Variants in CHN2 observed in about 807,000 individuals in gnomAD.
CHN2 encodes the protein chimerin 2.
CHN2 carries 35 observed loss-of-function variants against 56.3 expected under a neutral mutation model. The ratio of observed to expected loss-of-function variants is 0.62; its 90% CI spans 0.47 to 0.82. The LOEUF is 0.82. Among genes scored for constraint, CHN2 ranks in the 40% least tolerant of loss-of-function variants. The pLI, the probability that CHN2 is intolerant of heterozygous loss-of-function variation, is 0.00. For synonymous variants in CHN2, 210 were observed against 212.8 expected (o/e 0.99, Z 0.12); for missense variants, 491 against 580.5 (o/e 0.85, Z 1.58).
intron 1 of CHN2, among the ~76,000 whole-genome samples, chr7:29,352,828 T>C (rs968561566): frequency 1.3e-5 from 2 of 152,228 alleles, no homozygotes; most frequent in African/African-American, 4.8e-5. Flanking sequence ...GAATTTGTTT[T>C]GTAAACTCAT....
intron 3 of CHN2, among the ~76,000 whole-genome samples, chr7:29,375,427 C>G (rs1799999268): frequency 6.6e-6 from 1 of 151,996 alleles, no homozygotes. Context: ...AACTCCTGAC[C>G]TCAAGTGATC....
intron 1 of CHN2, among the ~76,000 whole-genome samples, chr7:29,256,173 C>T (rs1044779224): frequency 2.0e-5 from 3 of 152,158 alleles, no homozygotes; most frequent in African/African-American, 7.2e-5. Flanking sequence ...GAGAGGCTGC[C>T]ATGTCATAAA....
chr7:29,504,076 C>G (rs1350121147), intron 9 of CHN2, among the ~76,000 whole-genome samples: 2 of 152,132 alleles, frequency 1.3e-5, no homozygotes, highest in African/African-American at 4.8e-5. Context: ...AAAAGTATAA[C>G]AAGTAACCGT....
intron 1 of CHN2, among the ~76,000 whole-genome samples, chr7:29,348,870 A>T (rs1797671221): frequency 6.6e-6 from 1 of 152,212 alleles, no homozygotes; most frequent in South Asian, 2.1e-4. Flanking sequence ...AGAAAATAGA[A>T]ATCACAAGTA....
chr7:29,336,387 A>G (rs908989300), intron 1 of CHN2, among the ~76,000 whole-genome samples: 5 of 152,150 alleles, frequency 3.3e-5, no homozygotes, highest in Non-Finnish European at 7.4e-5. Context: ...AAGGGTGAGG[A>G]TCACTTGAGC....
chr7:29,479,845 G>T (rs1231734879), intron 6 of CHN2: 5 of 1,323,276 alleles, frequency 3.8e-6, no homozygotes, highest in African/African-American at 3.0e-5. Flanking sequence ...GCTTCTGGGG[G>T]TTGCTGTGCA....
At chr7:29,459,383 T>G (rs1303557122) in intron 6 of CHN2, among the ~76,000 whole-genome samples, 2 of 152,204 alleles carry the variant, frequency 1.3e-5, no homozygotes, top group African/African-American at 4.8e-5. Context: ...TTCCTTTTAC[T>G]GTTGAAAGGT....
intron 6 of CHN2, 173 bp downstream of exon 6, chr7:29,401,001 T>C (rs1327278206): frequency 1.5e-6 from 1 of 650,312 alleles, no homozygotes; most frequent in East Asian, 2.8e-5. Flanking sequence ...AGGCCGGGCG[T>C]GGTGGCTCAT....
At chr7:29,182,409 C>T (rs1279425235) in intron 2 of CHN2, among the ~76,000 whole-genome samples, 1 of 152,116 alleles carries the variant, frequency 6.6e-6, no homozygotes, top group African/African-American at 2.4e-5. Context: ...TAGAGTGTAG[C>T]AGAATAGGGC....
intron 1 of CHN2, among the ~76,000 whole-genome samples, chr7:29,271,847 G>A (rs1790671500): frequency 1.3e-5 from 2 of 152,110 alleles, no homozygotes; most frequent in South Asian, 4.1e-4. Context: ...GCTCCTGGAG[G>A]GCAGCGGGGG....
intron 1 of CHN2, among the ~76,000 whole-genome samples, chr7:29,263,444 C>T (rs1057284773): frequency 1.3e-5 from 2 of 152,066 alleles, no homozygotes; most frequent in South Asian, 2.1e-4. Flanking sequence ...TCTGCCCGGC[C>T]GCCACCCCGT....
chr7:29,202,984 C>T (rs370287749), intron 1 of CHN2, among the ~76,000 whole-genome samples: 1 of 152,252 alleles, frequency 6.6e-6, no homozygotes, highest in East Asian at 1.9e-4. Flanking sequence ...TTCTCAAGAC[C>T]TAGACCTGCA....
intron 1 of CHN2, among the ~76,000 whole-genome samples, chr7:29,301,342 TACACACACACACACACACACAC>T (rs10570363): frequency 2.8e-4 from 40 of 141,710 alleles, no homozygotes; most frequent in South Asian, 4.9e-4. Context: ...CTCAAACAGG[TACACACACACACACACACACAC>T]ACACACACAC....
intron 2 of CHN2, among the ~76,000 whole-genome samples, chr7:29,367,120 C>G (rs1799227489): frequency 6.6e-6 from 1 of 151,980 alleles, no homozygotes; most frequent in Non-Finnish European, 1.5e-5. Flanking sequence ...TCCAAAGGTA[C>G]CTGCTTAGGA....
intron 1 of CHN2, among the ~76,000 whole-genome samples, chr7:29,285,278 C>G (rs1021507880): frequency 6.6e-6 from 1 of 152,222 alleles, no homozygotes; most frequent in Non-Finnish European, 1.5e-5. Context: ...ATACACAGAG[C>G]AAATGGAACT....
intron 4 of CHN2, among the ~76,000 whole-genome samples, chr7:29,395,390 G>A (rs1332046392): frequency 6.6e-6 from 1 of 152,144 alleles, no homozygotes; most frequent in Non-Finnish European, 1.5e-5. Context: ...AGGCATGGTG[G>A]CACATGCCTA....
exon 2 of CHN2, chr7:29,146,888 G>A (rs907086934): frequency 6.4e-7 from 1 of 1,551,240 alleles, no homozygotes; most frequent in Admixed American, 2.0e-5. Context: ...TGGAAAGCGA[G>A]TGGTGTTTGA....
At chr7:29,420,173 G>A (rs1043445800) in intron 6 of CHN2, among the ~76,000 whole-genome samples, 2 of 151,996 alleles carry the variant, frequency 1.3e-5, no homozygotes, top group Non-Finnish European at 2.9e-5. Context: ...TTGCTGCTGA[G>A]AATGTAGAAT....
intron 1 of CHN2, among the ~76,000 whole-genome samples, chr7:29,252,842 G>C (rs553559748): frequency 6.8e-6 from 1 of 148,024 alleles, no homozygotes; most frequent in Non-Finnish European, 1.5e-5. Context: ...TGATCCACCC[G>C]CCTCGGCCTC....
Sources: allele counts gnomAD v4.1 joint callset (sites outside exome capture counted in the v4.1 genomes callset), GRCh38; gene constraint gnomAD v4.1.1; transcripts MANE v1.5; gene names NCBI Gene and HGNC (gene_info 2026-07-23, HGNC 2026-07-21).